The following TAFA2 variants were observed in gnomAD, a reference collection of about 807,000 sequenced individuals.
TAFA2 encodes the protein chemokine-like protein TAFA-2.
In TAFA2, 7 loss-of-function variants were observed where a neutral mutation model predicts 18.8. The observed-to-expected ratio is 0.37, with a 90% CI of 0.21 to 0.70. TAFA2 has a LOEUF of 0.70. TAFA2 is among the 30% of genes least tolerant of loss of function. TAFA2 has a pLI of 0.53. For synonymous variants in TAFA2, 60 were observed against 54.2 expected (o/e 1.11, Z -0.47); for missense variants, 122 against 158.1 (o/e 0.77, Z 1.23).
chr12:61,973,786 C>T (rs1239342046), intron 1 of TAFA2, among the ~76,000 whole-genome samples: 2 of 151,644 alleles, frequency 1.3e-5, no homozygotes, highest in Non-Finnish European at 3.0e-5. Flanking sequence ...ATCCCCCGAC[C>T]CTGGCTACAC....
At chr12:62,065,932 T>C (rs1055839202) in intron 1 of TAFA2, among the ~76,000 whole-genome samples, 1 of 151,986 alleles carries the variant, frequency 6.6e-6, no homozygotes, top group Non-Finnish European at 1.5e-5. Flanking sequence ...CAATTATTAA[T>C]ATCAATGTAA....
chr12:62,087,051 G>A (rs191103996), intron 1 of TAFA2, among the ~76,000 whole-genome samples: 170 of 152,164 alleles, frequency 1.1e-3, no homozygotes, highest in South Asian at 4.4e-3. Context: ...GACAAATACC[G>A]TATGATTCCA....
intron 1 of TAFA2, among the ~76,000 whole-genome samples, chr12:62,170,599 C>T (rs1334303042): frequency 1.3e-5 from 2 of 152,196 alleles, no homozygotes; most frequent in African/African-American, 4.8e-5. Context: ...TAGATCTATT[C>T]ACCTCAAATA....
intron 1 of TAFA2, chr12:62,021,684 G>C: frequency 1.4e-6 from 2 of 1,459,580 alleles, no homozygotes; most frequent in Non-Finnish European, 1.9e-6. Context: ...CACGTGGTCA[G>C]GCAGGGGCTT....
chr12:61,753,024 C>T (rs1009707961), intron 4 of TAFA2, among the ~76,000 whole-genome samples: 2 of 151,762 alleles, frequency 1.3e-5, no homozygotes, highest in African/African-American at 2.4e-5. Flanking sequence ...CTACCATCAC[C>T]GAGAGGTCAG....
intron 2 of TAFA2, among the ~76,000 whole-genome samples, chr12:61,805,102 T>C (rs938212546): frequency 5.3e-5 from 8 of 152,148 alleles, no homozygotes; most frequent in African/African-American, 1.9e-4. Flanking sequence ...ATTTTATCTG[T>C]CTAGAAAAGG....
At chr12:61,729,191 G>A (rs755185542) in intron 4 of TAFA2, among the ~76,000 whole-genome samples, 13 of 151,870 alleles carry the variant, frequency 8.6e-5, no homozygotes, top group Non-Finnish European at 1.8e-4. Context: ...TAGATAACCT[G>A]ATGACTATGT....
At chr12:61,922,932 G>A (rs564968983) in intron 1 of TAFA2, among the ~76,000 whole-genome samples, 27 of 152,268 alleles carry the variant, frequency 1.8e-4, no homozygotes, top group African/African-American at 5.1e-4. Context: ...TACTATTCCC[G>A]AGGCTTCAGT....
rs144933420 is a variant in TAFA2 at position 61,987,794 on chromosome 12, G to C, written c.-1-120368C>G. On this transcript the variant is annotated intron_variant, in intron 1 of 4. Transcript: ENST00000416284. ...GTGGAAGGAAGTGAACGGATGTTAC[G>C]GGATGTTGCCCCATAACAGAGTGTC... 2.3e-3 allele frequency among the ~76,000 whole-genome samples: 348 copies of C among 152,228 alleles called. 3 individuals carry two copies. Among genetic ancestry groups the C allele is most frequent in the African/African-American group, 7.8e-3 (324 of 41,542 alleles).
intron 2 of TAFA2, among the ~76,000 whole-genome samples, chr12:61,788,880 C>G (rs12313346): frequency 6.6e-6 from 1 of 151,672 alleles, no homozygotes; most frequent in Non-Finnish European, 1.5e-5. Flanking sequence ...AGTAAAATAA[C>G]TGAATCTATC....
chr12:61,800,119 T>C (rs1394855278), intron 2 of TAFA2, among the ~76,000 whole-genome samples: 1 of 152,160 alleles, frequency 6.6e-6, no homozygotes, highest in Non-Finnish European at 1.5e-5. Context: ...GACAAAAATA[T>C]TTGAAGTAAT....
intron 1 of TAFA2, among the ~76,000 whole-genome samples, chr12:62,135,468 C>G (rs1190956362): frequency 6.6e-6 from 1 of 152,042 alleles, no homozygotes; most frequent in African/African-American, 2.4e-5. Flanking sequence ...AAGTAAAAAT[C>G]TCTTCATCAC....
At chr12:61,864,772 CAAAAAA>C (rs34286549) in intron 2 of TAFA2, among the ~76,000 whole-genome samples, 3 of 78,386 alleles carry the variant, frequency 3.8e-5, no homozygotes, top group South Asian at 9.9e-4. Context: ...GACTCCGTCT[CAAAAAA>C]AAAAAAAAAA....
intron 1 of TAFA2, among the ~76,000 whole-genome samples, chr12:61,972,975 T>C (rs1879302281): frequency 6.6e-6 from 1 of 151,704 alleles, no homozygotes; most frequent in Admixed American, 6.6e-5. Context: ...CTACATACCC[T>C]ATTCAAATGC....
intron 1 of TAFA2, among the ~76,000 whole-genome samples, chr12:61,875,973 C>T (rs1428832259): frequency 6.6e-6 from 1 of 152,038 alleles, no homozygotes; most frequent in Non-Finnish European, 1.5e-5. Context: ...TATATGTAGC[C>T]TTTTATAGAT....
rs928404376 is a variant in TAFA2 at position 61,975,383 on chromosome 12, T to C, written c.-1-107957A>G. Among the ~76,000 whole-genome samples, 3 of 151,792 alleles carry C rather than the reference T, an allele frequency of 2.0e-5. No individual in the cohort carries two copies. In the Admixed American group the frequency reaches 2.0e-4, roughly 10 times the overall value. On this transcript the variant is annotated intron_variant, in intron 1 of 4. Coordinates refer to ENST00000416284, the MANE Select transcript of TAFA2 (RefSeq NM_178539.5). The stretch of plus-strand genomic sequence containing the variant: ...ATTCTACTTTCTTTTAGATTCCACA[T>C]ATACGTGAAATCATGCAGTATTTTA...
intron 1 of TAFA2, among the ~76,000 whole-genome samples, chr12:62,129,278 C>A (rs1870587867): frequency 6.6e-6 from 1 of 151,994 alleles, no homozygotes; most frequent in African/African-American, 2.4e-5. Context: ...TACCATACCA[C>A]CTATTATTTT....
At chr12:62,133,852 C>T (rs1366909930) in intron 1 of TAFA2, among the ~76,000 whole-genome samples, 1 of 152,030 alleles carries the variant, frequency 6.6e-6, no homozygotes, top group African/African-American at 2.4e-5. Flanking sequence ...GGGCTAGCTT[C>T]GTGGCTTTGC....
intron 1 of TAFA2, among the ~76,000 whole-genome samples, chr12:61,942,152 C>A (rs1199286716): frequency 2.0e-5 from 3 of 148,618 alleles, no homozygotes; most frequent in Non-Finnish European, 4.5e-5. Flanking sequence ...ACCCCTGACC[C>A]CCGAGCAGCC....
Sources: allele counts gnomAD v4.1 joint callset (sites outside exome capture counted in the v4.1 genomes callset), GRCh38; gene constraint gnomAD v4.1.1; transcripts MANE v1.5; gene names NCBI Gene and HGNC (gene_info 2026-07-23, HGNC 2026-07-21).